STARD13: variants seen among roughly 807,000 people sequenced by gnomAD.
STARD13 encodes StAR related lipid transfer domain containing 13, also known as stAR-related lipid transfer protein 13.
Under a neutral mutation model 106.4 loss-of-function variants are expected in STARD13, and 62 were observed. The ratio of observed to expected loss-of-function variants is 0.58; its 90% CI spans 0.48 to 0.72. The LOEUF (loss-of-function observed/expected upper bound fraction) is 0.72. Among genes scored for constraint, STARD13 ranks in the 30% least tolerant of loss-of-function variants. The pLI, the probability that STARD13 is intolerant of heterozygous loss-of-function variation, is 0.00. For synonymous variants in STARD13, 565 were observed against 553.0 expected, an observed-to-expected ratio of 1.02 and a Z score of -0.31; for missense variants, 1,387 against 1,424.0, an observed-to-expected ratio of 0.97 and a Z score of 0.42.
chr13:33,375,931 T>C, the STARD13 span, among the ~76,000 whole-genome samples: 1 of 152,162 alleles, frequency 6.6e-6, no homozygotes, highest in Non-Finnish European at 1.5e-5. Context: ...TAATATTAAG[T>C]AATATGGTCA....
the STARD13 span, among the ~76,000 whole-genome samples, chr13:33,618,369 T>C: frequency 6.6e-6 from 1 of 151,982 alleles, no homozygotes; most frequent in Non-Finnish European, 1.5e-5. Context: ...TTAGTGGGAG[T>C]GAAACACAAA....
At chr13:33,641,051 G>A in the STARD13 span, among the ~76,000 whole-genome samples, 2 of 152,170 alleles carry the variant, frequency 1.3e-5, no homozygotes, top group Non-Finnish European at 2.9e-5. Flanking sequence ...GTAGAAATAG[G>A]ACTAGACACA....
the STARD13 span, among the ~76,000 whole-genome samples, chr13:33,499,791 G>A: frequency 2.6e-5 from 3 of 116,614 alleles, no homozygotes; most frequent in African/African-American, 3.3e-5. Context: ...TAGAGACAAG[G>A]TCTTACTCTA....
the STARD13 span, among the ~76,000 whole-genome samples, chr13:33,634,891 T>G: frequency 6.6e-6 from 1 of 152,156 alleles, no homozygotes; most frequent in South Asian, 2.1e-4. Flanking sequence ...CTGCAAAGGC[T>G]CTGGCTCTGT....
At chr13:33,512,028 A>G in the STARD13 span, among the ~76,000 whole-genome samples, 1 of 152,170 alleles carries the variant, frequency 6.6e-6, no homozygotes. Flanking sequence ...GGAGACTTTG[A>G]AATAAGGAAG....
intron 3 of STARD13, among the ~76,000 whole-genome samples, chr13:33,163,600 A>ATATATATATATATATATATATAT (rs1566038369): frequency 1.1e-5 from 1 of 91,498 alleles, no homozygotes; most frequent in Non-Finnish European, 2.4e-5. Flanking sequence ...AAAAAAAAAA[A>ATATATATATATATATATATATAT]AAAAAATATA....
chr13:33,401,305 T>C, the STARD13 span, among the ~76,000 whole-genome samples: 19 of 152,362 alleles, frequency 1.2e-4, no homozygotes, highest in East Asian at 3.7e-3. Flanking sequence ...ACATACGCAC[T>C]GGCTCCTGTG....
At chr13:33,627,907 C>T in the STARD13 span, among the ~76,000 whole-genome samples, 2 of 151,912 alleles carry the variant, frequency 1.3e-5, no homozygotes, top group East Asian at 3.9e-4. Context: ...AGTCCCACCA[C>T]TATAGTGTAA....
Position 33,129,425 on chromosome 13 carries a change from T to C in STARD13, c.1252A>G (p.Thr418Ala), listed in dbSNP as rs757140011. 9 of 1,614,008 alleles carry C rather than the reference T, an allele frequency of 5.6e-6. No homozygotes were observed. Among genetic ancestry groups the C allele is most frequent in the Middle Eastern group, 3.3e-4 (2 of 6,084 alleles). ...CAATTAACCCCATTGCTACTATCTG[T>C]GGGAGAGAGGCTTTCAATAGAAAGT... ...KALSIESLSP[T>A]DSSNGVNWRT... The change falls in exon 5 of 14, where the codon ACA becomes GCA. Residue 418 changes from threonine (T) to alanine (A), a missense_variant. By Grantham distance (58) the Thr-to-Ala change is moderately conservative (BLOSUM62 0). Transcript: ENST00000336934.
intron 1 of STARD13, among the ~76,000 whole-genome samples, chr13:33,221,956 C>G (rs1324655731): frequency 6.6e-6 from 1 of 152,160 alleles, no homozygotes; most frequent in African/African-American, 2.4e-5. Context: ...CGAGACCATC[C>G]TGGCCAACAT....
chr13:33,197,837 T>C (rs923205283), intron 1 of STARD13, among the ~76,000 whole-genome samples: 14 of 152,210 alleles, frequency 9.2e-5, no homozygotes, highest in African/African-American at 3.4e-4. Context: ...CTTAGCTGAC[T>C]TCCCCTCTTC....
At chr13:33,322,454 T>C (rs1446988742) in intron 1 of STARD13, among the ~76,000 whole-genome samples, 4 of 152,228 alleles carry the variant, frequency 2.6e-5, no homozygotes, top group African/African-American at 4.8e-5. Context: ...TCTGATATTT[T>C]CATTTCCTAA....
At chr13:33,124,144 T>C (rs752989648) in intron 7 of STARD13, among the ~76,000 whole-genome samples, 7 of 152,190 alleles carry the variant, frequency 4.6e-5, no homozygotes, top group Non-Finnish European at 1.0e-4. Context: ...AAAAGCCAGG[T>C]TTTGATTCCT....
intron 2 of STARD13, 128 bp downstream of exon 2, chr13:33,167,423 G>T: frequency 1.1e-6 from 1 of 871,982 alleles, no homozygotes; most frequent in African/African-American, 1.7e-5. Flanking sequence ...CAAAAAGGCC[G>T]AGGGAAAAAG....
rs1892006396 is a variant in STARD13 at position 33,285,452 on chromosome 13, C to G, written c.169+18G>C. ...AGAAATCAGAATGAGCAACAGCCTTCCACTGCCGGCCACTCACCTTGTTGA... is the reference window on the plus strand; with the variant it reads ...AGAAATCAGAATGAGCAACAGCCTTGCACTGCCGGCCACTCACCTTGTTGA... On this transcript the variant is annotated intron_variant, in intron 1 of 13. Transcript: ENST00000336934. 1.9e-6 allele frequency: 3 copies of G among 1,608,516 alleles called. No homozygotes were observed. Among genetic ancestry groups the G allele is most frequent in the Non-Finnish European group, 1.7e-6 (2 of 1,176,652 alleles).
chr13:33,277,759 T>C (rs1290743774), intron 1 of STARD13: 1 of 152,208 alleles, frequency 6.6e-6, no homozygotes, highest in Non-Finnish European at 1.5e-5. Flanking sequence ...GTACCTATCT[T>C]GTAGAGTTAT....
intron 1 of STARD13, among the ~76,000 whole-genome samples, chr13:33,326,908 C>T (rs1263032878): frequency 1.3e-5 from 2 of 152,190 alleles, no homozygotes; most frequent in African/African-American, 2.4e-5. Context: ...GGACACTTCA[C>T]GGTCACATGC....
At chr13:33,136,354 A>C (rs520165) in intron 4 of STARD13, among the ~76,000 whole-genome samples, 49,633 of 152,070 alleles carry the variant, frequency 0.33, 8,814 homozygotes, top group Non-Finnish European at 0.41. Context: ...CTATTGATAG[A>C]AGCAGGAGGC....
chr13:33,666,437 G>A, the STARD13 span, among the ~76,000 whole-genome samples: 2 of 152,038 alleles, frequency 1.3e-5, no homozygotes, highest in African/African-American at 2.4e-5. Flanking sequence ...GGGACTGCAG[G>A]CACATGCCAC....
Sources: allele counts gnomAD v4.1 joint callset (sites outside exome capture counted in the v4.1 genomes callset), GRCh38; gene constraint gnomAD v4.1.1; transcripts MANE v1.5; gene names NCBI Gene and HGNC (gene_info 2026-07-23, HGNC 2026-07-21).